DICER1: variants seen among roughly 807,000 people sequenced by gnomAD.
DICER1 encodes endoribonuclease Dicer.
Under a neutral mutation model 194.1 loss-of-function variants are expected in DICER1, and 43 were observed. The observed-to-expected ratio is 0.22, with a 90% CI of 0.17 to 0.29. The LOEUF is 0.29. DICER1 is among the 10% of genes least tolerant of loss of function. The pLI is 1.00. For missense variants in DICER1, 1,608 were observed against 2,317.0 expected (o/e 0.69, Z 6.28); for synonymous variants, 832 against 820.5 (o/e 1.01, Z -0.24).
intron 9 of DICER1, among the ~76,000 whole-genome samples, chr14:95,117,238 AATGAAAAAAAGAAAAC>A (rs1892556271): frequency 6.6e-6 from 1 of 152,158 alleles, no homozygotes; most frequent in South Asian, 2.1e-4. Context: ...TAGGCCTTTA[AATGAAAAAAAGAAAAC>A]ACTTTCTAGG....
chr14:95,129,132 A>AGTC (rs1182160324), intron 6 of DICER1: 63 of 218,672 alleles, frequency 2.9e-4, no homozygotes, highest in Admixed American at 4.6e-4. Context: ...GCATCATGTA[A>AGTC]GACATTCAGG....
rs1314163773 is a variant in DICER1 at position 95,131,554 on chromosome 14, T to C, written c.393A>G (p.Ala131=). ...VGEYSNLEVN[A]SWTKERWNQE... ...GGTTCCATCTCTCTTTTGTCCAAGA[T>C]GCATTTACTTCTAGGTTTGAGTATT... Residue 131 remains alanine, a synonymous_variant, in exon 4 of 27, where the codon GCA becomes GCG. Transcript: ENST00000343455. 3 of 1,613,444 alleles carry C rather than the reference T, an allele frequency of 1.9e-6. No homozygotes were observed. Among genetic ancestry groups the C allele is most frequent in the African/African-American group, 1.3e-5 (1 of 75,034 alleles).
chr14:95,124,190 A>G lies in DICER1; in HGVS notation c.1376+6T>C, dbSNP rs376417986. 2.5e-6 allele frequency: 4 copies of G among 1,607,124 alleles called. No individual in the cohort carries two copies. The African/African-American group carries it at 5.3e-5, about 21-fold the overall frequency. Reference sequence around the variant, plus strand: ...TCATGTGAAAGGAGTCAACTTACAGATTTACCTGTTTAAGACAACTGCTGT... The same window carrying G: ...TCATGTGAAAGGAGTCAACTTACAGGTTTACCTGTTTAAGACAACTGCTGT... On this transcript the variant is annotated splice_donor_region_variant and intron_variant, in intron 8 of 26. Transcript: ENST00000343455. The surrounding 1 kb of genome is among the most constrained non-coding windows in gnomAD (Gnocchi z 4.5).
At chr14:95,117,543 A>G in intron 9 of DICER1, 79 bp downstream of exon 9, 1 of 1,467,122 alleles carries the variant, frequency 6.8e-7, no homozygotes, top group Non-Finnish European at 9.5e-7. Context: ...GAAACTATGA[A>G]AAAAGGGAGA....
intron 10 of DICER1, 58 bp from the exon 11 acceptor site, chr14:95,115,879 T>C (rs1892407909): frequency 6.4e-6 from 10 of 1,561,872 alleles, no homozygotes; most frequent in Non-Finnish European, 8.8e-6. Flanking sequence ...CTGTATGCTG[T>C]CTGCCTCTGT....
chr14:95,142,995 G>C (rs1189483046), intron 1 of DICER1, among the ~76,000 whole-genome samples: 1 of 152,124 alleles, frequency 6.6e-6, no homozygotes, highest in Non-Finnish European at 1.5e-5. Flanking sequence ...CACAGATTCT[G>C]ACATTATTAA....
chr14:95,121,666 T>C (rs550855650), intron 8 of DICER1, among the ~76,000 whole-genome samples: 50 of 152,338 alleles, frequency 3.3e-4, no homozygotes, highest in Non-Finnish European at 5.4e-4. Context: ...TGGAAGCCAT[T>C]TTCTGCCACT....
rs764254400 is a variant in DICER1 at position 95,091,193 on chromosome 14, C to T, written c.5527+10G>A. On this transcript the variant is annotated intron_variant, in intron 25 of 26. Transcript: ENST00000343455. ...TGGGTTTTTTTCTTTCTAAAGGGAG[C>T]CAACAATACCTATTAGTGGCCGCAT... 1.9e-6 allele frequency: 3 copies of T among 1,614,068 alleles called. No homozygotes were observed. The highest frequency in any genetic ancestry group is 1.1e-5 in the South Asian group (1 of 91,076).
chr14:95,115,925 C>G (rs1892413564), intron 10 of DICER1, 104 bp from the exon 11 acceptor site: 1 of 1,136,224 alleles, frequency 8.8e-7, no homozygotes, highest in Admixed American at 1.9e-5. Flanking sequence ...ATATCTCTCT[C>G]TCTCCTAAAC....
At chr14:95,140,293 A>G (rs972524559) in intron 1 of DICER1, among the ~76,000 whole-genome samples, 1 of 152,180 alleles carries the variant, frequency 6.6e-6, no homozygotes, top group African/African-American at 2.4e-5. Context: ...GTATAAGACT[A>G]TGGTCTCGTA....
At chr14:95,156,827 A>C (rs921437587) in intron 1 of DICER1, among the ~76,000 whole-genome samples, 9 of 152,086 alleles carry the variant, frequency 5.9e-5, no homozygotes, top group Admixed American at 1.3e-4. Context: ...GTGCTCCGGC[A>C]GGTCAGGCGC....
chr14:95,115,845 T>G, intron 10 of DICER1, 24 bp from the exon 11 acceptor site: 1 of 1,613,502 alleles, frequency 6.2e-7, no homozygotes, highest in African/African-American at 1.3e-5. Context: ...AAACAGAACT[T>G]ATGATGAAAA....
intron 1 of DICER1, among the ~76,000 whole-genome samples, chr14:95,137,167 G>A (rs575947640): frequency 7.9e-4 from 118 of 149,962 alleles, no homozygotes; most frequent in African/African-American, 2.9e-3. Flanking sequence ...AGAGGAAGGG[G>A]AAGGAAAAGG....
At chr14:95,151,156 G>A (rs927706103) in intron 1 of DICER1, among the ~76,000 whole-genome samples, 1 of 152,238 alleles carries the variant, frequency 6.6e-6, no homozygotes, top group African/African-American at 2.4e-5. Context: ...CATAGCAGAT[G>A]AAGAATGTGT....
In DICER1 at chr14:95,104,113, C is replaced by A; in HGVS notation, c.3283G>T (p.Asp1095Tyr). The A allele has an allele frequency of 6.2e-7, 1 of 1,612,858 alleles. No homozygotes were observed. Among genetic ancestry groups the A allele is most frequent in the South Asian group, 1.1e-5 (1 of 90,982 alleles). The change falls in exon 21 of 27, where the codon GAC becomes TAC. Residue 1095 changes from aspartate to tyrosine, a missense_variant. Asp to Tyr is a radical substitution (Grantham distance 160). Transcript: ENST00000343455. The stretch of plus-strand genomic sequence containing the variant: ...TCAATAGATTTTTTCCACCCGAAGT[C>A]TAAGTTAGGGTATCTGCAAAGACAT... ...LPADFRYPNL[D>Y]FGWKKSIDSK...
chr14:95,157,458 G>C lies in DICER1; in HGVS notation c.-274C>G, dbSNP rs903543920. 2 of 152,480 alleles carry C rather than the reference G, an allele frequency of 1.3e-5. No homozygotes were observed. Among genetic ancestry groups the C allele is most frequent in the Non-Finnish European group, 2.9e-5 (2 of 68,392 alleles). 9.4% of individuals were successfully genotyped at this position (152,480 alleles called of 1,614,324 possible). On this transcript the variant is annotated 5_prime_UTR_variant, in exon 1 of 27. Coordinates refer to ENST00000343455, the MANE Select transcript of DICER1 (RefSeq NM_177438.3). ...TCCCGCCGGCGCCTGCGGAGACTGC[G>C]CAGCGCCCGGCTGGCCGGCAGCCAG...
chr14:95,103,409 T>G lies in DICER1; in HGVS notation c.3987A>C (p.Thr1329=), dbSNP rs373810197. Residue 1329 remains threonine, a synonymous_variant, in exon 21 of 27, where the codon ACA becomes ACC. Transcript: ENST00000343455. ...GDSFLKHAIT[T]YLFCTYPDAH... ...CATCAGGGTAAGTGCAAAATAGATA[T>G]GTGGTGATGGCATGCTTTAAAAAGG... is the stretch of plus-strand genomic sequence containing the variant. The G allele has an allele frequency of 6.2e-7, 1 of 1,614,064 alleles. No individual in the cohort carries two copies. The highest frequency in any genetic ancestry group is 8.5e-7 in the Non-Finnish European group (1 of 1,180,040).
At position 95,091,309 on chromosome 14, in the gene DICER1, G is replaced by A. The variant is rs764305391; in HGVS notation, c.5421C>T (p.Ala1807=). The part of the protein sequence containing the change: ...EKEEDIEVPK[A]MGDIFESLAG... Reference sequence around the variant, plus strand: ...CAAGCGACTCAAAAATATCCCCCATGGCCTTTGGAACTTCAATATCCTCTT... The same window carrying A: ...CAAGCGACTCAAAAATATCCCCCATAGCCTTTGGAACTTCAATATCCTCTT... The change falls in exon 25 of 27, where the codon GCC becomes GCT. Residue 1807 remains alanine, a synonymous_variant. Transcript: ENST00000343455. 45 of 1,614,012 alleles carry A rather than the reference G, an allele frequency of 2.8e-5. No individual in the cohort carries two copies. Among genetic ancestry groups the A allele is most frequent in the Non-Finnish European group, 3.8e-5 (45 of 1,179,982 alleles).
Position 95,107,781 on chromosome 14 carries a change from T to TC in DICER1, c.2651-21dup. 3 of 1,612,800 alleles carry TC rather than the reference T, an allele frequency of 1.9e-6. No homozygotes were observed. The highest frequency in any genetic ancestry group is 2.5e-6 in the Non-Finnish European group (3 of 1,179,288). On this transcript the variant is annotated intron_variant, in intron 16 of 26. Transcript: ENST00000343455. ...CATTAACTTAGAAGAGAAAAACGAC[T>TC]CTTTAGCTTGTTAAAACATGATACA...
Sources: allele counts gnomAD v4.1 joint callset (sites outside exome capture counted in the v4.1 genomes callset), GRCh38; gene constraint gnomAD v4.1.1; non-coding constraint Gnocchi (gnomAD v3.1); transcripts MANE v1.5; gene names NCBI Gene and HGNC (gene_info 2026-07-23, HGNC 2026-07-21).